Variants in TAS2R1 observed in about 807,000 individuals in gnomAD.
The protein encoded by TAS2R1 is taste 2 receptor member 1.
For synonymous variants in TAS2R1, 141 were observed against 134.2 expected (o/e 1.05, Z -0.35); for missense variants, 370 against 353.4 (o/e 1.05, Z -0.38).
the TAS2R1 span, among the ~76,000 whole-genome samples, chr5:9,738,520 T>C: frequency 6.6e-6 from 1 of 152,200 alleles, no homozygotes; most frequent in African/African-American, 2.4e-5. Context: ...CACCTTTGTT[T>C]AGTCTGATAG....
At chr5:9,855,585 T>C in the TAS2R1 span, among the ~76,000 whole-genome samples, 1 of 152,218 alleles carries the variant, frequency 6.6e-6, no homozygotes, top group Non-Finnish European at 1.5e-5. Context: ...AATGCCTGAA[T>C]GATCCCTTTA....
the TAS2R1 span, among the ~76,000 whole-genome samples, chr5:9,900,714 G>A: frequency 1.3e-5 from 2 of 149,506 alleles, no homozygotes; most frequent in African/African-American, 2.5e-5. Flanking sequence ...TCCGCGTCCC[G>A]GGTTCATGCC....
At chr5:9,676,557 A>T (rs1439629526) in intron 1 of TAS2R1, among the ~76,000 whole-genome samples, 2 of 152,202 alleles carry the variant, frequency 1.3e-5, no homozygotes, top group Admixed American at 6.5e-5. Context: ...ACATACATAC[A>T]TACACAAAAA....
the TAS2R1 span, among the ~76,000 whole-genome samples, chr5:9,786,069 C>T: frequency 6.6e-6 from 1 of 152,214 alleles, no homozygotes; most frequent in Admixed American, 6.5e-5. Context: ...AGTGACTTGA[C>T]TTCAGTCACA....
At chr5:9,772,334 A>G in the TAS2R1 span, among the ~76,000 whole-genome samples, 1 of 151,912 alleles carries the variant, frequency 6.6e-6, no homozygotes, top group African/African-American at 2.4e-5. Flanking sequence ...CTTGTTATTG[A>G]TTTGTAGCAT....
At chr5:9,642,682 C>A (rs576774273) in intron 2 of TAS2R1, among the ~76,000 whole-genome samples, 2 of 152,258 alleles carry the variant, frequency 1.3e-5, no homozygotes, top group East Asian at 3.9e-4. Context: ...CTTTTTCTTA[C>A]TCCACTCAAT....
chr5:9,861,037 G>GTTTTTTTTTGT, the TAS2R1 span, among the ~76,000 whole-genome samples: 1 of 88,612 alleles, frequency 1.1e-5, no homozygotes, highest in Admixed American at 1.4e-4. Context: ...GGAAGATGAG[G>GTTTTTTTTTGT]TTTTTTTTTT....
At chr5:9,839,082 T>C in the TAS2R1 span, among the ~76,000 whole-genome samples, 1 of 152,240 alleles carries the variant, frequency 6.6e-6, no homozygotes, top group African/African-American at 2.4e-5. Flanking sequence ...GTCTCTGTTA[T>C]CACCACAGTG....
chr5:9,712,046 GGGAGGGAGGGA>G (rs1734692217), intron 1 of TAS2R1: 1 of 145,448 alleles, frequency 6.9e-6, no homozygotes, highest in Non-Finnish European at 1.5e-5. Context: ...GAGGGAGGGA[GGGAGGGAGGGA>G]GGGAATAGAA....
At chr5:9,668,336 G>A (rs1428145015) in intron 1 of TAS2R1, among the ~76,000 whole-genome samples, 1 of 152,144 alleles carries the variant, frequency 6.6e-6, no homozygotes, top group East Asian at 1.9e-4. Flanking sequence ...TAGAAAACAT[G>A]TTTGAAAATA....
chr5:9,688,308 T>TC lies in TAS2R1; in HGVS notation c.-242+23863dup, dbSNP rs144443600. On this transcript the variant is annotated intron_variant, in intron 1 of 2. Coordinates refer to the TAS2R1 transcript ENST00000506620. ...TTAGAAATATAAATATCCTCAGCGC[T>TC]CCCCCCCTCAATATTTTATTGGTGG... Among the ~76,000 whole-genome samples the TC allele has an allele frequency of 8.0e-3, 1,216 of 151,834 alleles. 15 individuals are homozygous for TC. Among genetic ancestry groups the TC allele is most frequent in the African/African-American group, 0.027 (1,115 of 41,400 alleles).
chr5:9,736,398 C>G, the TAS2R1 span, among the ~76,000 whole-genome samples: 4 of 152,246 alleles, frequency 2.6e-5, no homozygotes, highest in East Asian at 1.9e-4. Context: ...CCCATCTGCT[C>G]TCTTGTGAAG....
chr5:9,661,079 T>A (rs1158473514), intron 1 of TAS2R1, among the ~76,000 whole-genome samples: 5 of 152,214 alleles, frequency 3.3e-5, no homozygotes, highest in Non-Finnish European at 1.5e-5. Flanking sequence ...ATTTAAAGAA[T>A]TAGAAAATAA....
chr5:9,763,270 C>T, the TAS2R1 span, among the ~76,000 whole-genome samples: 7 of 152,172 alleles, frequency 4.6e-5, no homozygotes, highest in South Asian at 4.2e-4. Flanking sequence ...TTTGGGAGGC[C>T]GAGGCGGGTG....
At chr5:9,639,486 G>T (rs1045577471) in intron 2 of TAS2R1, among the ~76,000 whole-genome samples, 12 of 152,028 alleles carry the variant, frequency 7.9e-5, no homozygotes, top group African/African-American at 2.9e-4. Flanking sequence ...TGTGGAATTT[G>T]CAGCAGCACG....
chr5:9,748,514 G>A, the TAS2R1 span, among the ~76,000 whole-genome samples: 1 of 152,102 alleles, frequency 6.6e-6, no homozygotes, highest in Non-Finnish European at 1.5e-5. Flanking sequence ...TTCAAGATTG[G>A]GTAGCTATAT....
At chr5:9,743,584 T>A in the TAS2R1 span, among the ~76,000 whole-genome samples, 1 of 152,214 alleles carries the variant, frequency 6.6e-6, no homozygotes, top group Non-Finnish European at 1.5e-5. Flanking sequence ...TTGCCAACTG[T>A]ATAATTAGTG....
chr5:9,813,339 C>A, the TAS2R1 span, among the ~76,000 whole-genome samples: 1 of 152,220 alleles, frequency 6.6e-6, no homozygotes, highest in East Asian at 1.9e-4. Context: ...TTTAATCCAT[C>A]AGTCTCTGGA....
At chr5:9,863,738 A>C in the TAS2R1 span, among the ~76,000 whole-genome samples, 1 of 152,220 alleles carries the variant, frequency 6.6e-6, no homozygotes, top group Non-Finnish European at 1.5e-5. Flanking sequence ...AAATTGTGAA[A>C]AGTGTCTTTG....
Sources: gnomAD v4.1 joint callset for allele counts (sites outside exome capture counted in the v4.1 genomes callset) on GRCh38, gnomAD v4.1.1 for gene constraint, MANE v1.5 for transcripts, NCBI Gene and HGNC (gene_info 2026-07-23, HGNC 2026-07-21) for gene names.